Variants in MACROD2 observed in about 807,000 individuals in gnomAD.
The protein encoded by MACROD2 is mono-ADP ribosylhydrolase 2, also known as ADP-ribose glycohydrolase MACROD2.
A neutral mutation model predicts 70.4 loss-of-function variants in MACROD2; 36 were observed. The observed-to-expected ratio is 0.51, with a 90% CI of 0.39 to 0.68. The LOEUF is 0.68. MACROD2 is among the 30% of genes least tolerant of loss of function. MACROD2 has a pLI of 0.00. For missense variants in MACROD2, 496 were observed against 538.4 expected, an observed-to-expected ratio of 0.92 and a Z score of 0.78; for synonymous variants, 172 against 178.8, an observed-to-expected ratio of 0.96 and a Z score of 0.30.
At chr20:15,744,727 C>A (rs1447259292) in intron 8 of MACROD2, among the ~76,000 whole-genome samples, 1 of 140,050 alleles carries the variant, frequency 7.1e-6, no homozygotes, top group Non-Finnish European at 1.6e-5. Flanking sequence ...CACACACACA[C>A]ACACACACAC....
At chr20:15,328,313 T>C (rs2077954453) in intron 6 of MACROD2, among the ~76,000 whole-genome samples, 1 of 151,848 alleles carries the variant, frequency 6.6e-6, no homozygotes, top group Non-Finnish European at 1.5e-5. Context: ...AGGGGATGAG[T>C]GCCGAGGTGC....
intron 3 of MACROD2, among the ~76,000 whole-genome samples, chr20:14,313,008 T>A (rs1168395092): frequency 6.6e-6 from 1 of 152,248 alleles, no homozygotes; most frequent in Non-Finnish European, 1.5e-5. Flanking sequence ...TAACACTTCA[T>A]TGTCTACATT....
intron 3 of MACROD2, among the ~76,000 whole-genome samples, chr20:14,473,615 T>C (rs528179612): frequency 1.3e-5 from 2 of 152,166 alleles, no homozygotes; most frequent in Non-Finnish European, 2.9e-5. Context: ...AAACTTGGAG[T>C]GCAGATGTCT....
intron 3 of MACROD2, among the ~76,000 whole-genome samples, chr20:14,442,611 G>C (rs953429265): frequency 4.6e-5 from 7 of 152,002 alleles, no homozygotes; most frequent in Middle Eastern, 3.2e-3. Context: ...ATGAATGCCA[G>C]CTGCCTTCAC....
chr20:14,794,737 G>C (rs1213000862), intron 5 of MACROD2, among the ~76,000 whole-genome samples: 1 of 152,016 alleles, frequency 6.6e-6, no homozygotes, highest in Non-Finnish European at 1.5e-5. Context: ...TGTTTACTGG[G>C]GTCTTATAAG....
rs2148705176 is a variant in MACROD2, at chr20:14,140,517, G to T, written c.271+54789G>T. On this transcript the variant is annotated intron_variant, in intron 3 of 17. Coordinates refer to ENST00000684519, the MANE Select transcript of MACROD2 (RefSeq NM_001351661.2). ...GGGTTAATGTTTATATAGGGTGAGA[G>T]CTCTGCCTATAATTGTTACATATCT... 2.0e-5 allele frequency among the ~76,000 whole-genome samples: 3 copies of T among 152,312 alleles called. No homozygotes were observed. In the Middle Eastern group the frequency reaches 0.01, roughly 518 times the overall value.
chr20:14,485,419 A>T (rs1245430241), intron 3 of MACROD2, among the ~76,000 whole-genome samples: 2 of 152,164 alleles, frequency 1.3e-5, no homozygotes, highest in Non-Finnish European at 2.9e-5. Context: ...AAGAACATGG[A>T]GGCCAGGCGT....
chr20:15,157,770 A>G (rs1207998400), intron 5 of MACROD2, among the ~76,000 whole-genome samples: 1 of 152,106 alleles, frequency 6.6e-6, no homozygotes, highest in African/African-American at 2.4e-5. Flanking sequence ...GAGAGAGGTC[A>G]AGGTGTTTAT....
At chr20:14,639,956 C>T (rs1984999059) in intron 4 of MACROD2, among the ~76,000 whole-genome samples, 1 of 152,092 alleles carries the variant, frequency 6.6e-6, no homozygotes, top group Non-Finnish European at 1.5e-5. Context: ...TCAACTCTCC[C>T]TCCCTTTCTT....
chr20:16,048,537 C>A (rs1010367275), intron 17 of MACROD2, among the ~76,000 whole-genome samples: 9 of 151,954 alleles, frequency 5.9e-5, no homozygotes, highest in Admixed American at 5.9e-4. Context: ...TGATACCCAC[C>A]AAGCATCTCC....
At chr20:15,315,916 A>G in intron 6 of MACROD2, among the ~76,000 whole-genome samples, 1 of 152,284 alleles carries the variant, frequency 6.6e-6, no homozygotes, top group Admixed American at 6.5e-5. Context: ...TTGTAACAAT[A>G]ACAACATAAA....
At position 15,979,277 on chromosome 20, in the gene MACROD2, C is replaced by T. The variant is rs188988869; in HGVS notation, c.986-7450C>T. Among the ~76,000 whole-genome samples the T allele has an allele frequency of 9.0e-4, 137 of 152,206 alleles. 1 individual carries two copies. Among genetic ancestry groups the T allele is most frequent in the African/African-American group, 2.8e-3 (115 of 41,520 alleles). ...ACATGCTTTCCATTCAGGATCTAGA[C>T]GAAGGAACATGGTTTATTAGGAGCA... On this transcript the variant is annotated intron_variant, in intron 13 of 17. Coordinates refer to ENST00000684519, the MANE Select transcript of MACROD2 (RefSeq NM_001351661.2).
At chr20:15,127,988 T>G (rs1335868575) in intron 5 of MACROD2, among the ~76,000 whole-genome samples, 1 of 152,084 alleles carries the variant, frequency 6.6e-6, no homozygotes, top group Non-Finnish European at 1.5e-5. Context: ...TCTTGTCTTC[T>G]CTATAGTTTT....
At chr20:15,523,914 G>A (rs1026970861) in intron 8 of MACROD2, among the ~76,000 whole-genome samples, 21 of 152,010 alleles carry the variant, frequency 1.4e-4, no homozygotes, top group Admixed American at 3.9e-4. Flanking sequence ...CCTTCATGTC[G>A]CACCAGCCTC....
chr20:15,569,511 T>C (rs1307494247), intron 8 of MACROD2, among the ~76,000 whole-genome samples: 1 of 152,162 alleles, frequency 6.6e-6, no homozygotes, highest in Non-Finnish European at 1.5e-5. Flanking sequence ...CCAACTGAAA[T>C]TTTGTATTCT....
intron 6 of MACROD2, among the ~76,000 whole-genome samples, chr20:15,423,115 A>G (rs1453353661): frequency 6.6e-6 from 1 of 152,192 alleles, no homozygotes; most frequent in Admixed American, 6.5e-5. Flanking sequence ...TATCATTGCC[A>G]TTACTACAGT....
chr20:14,306,802 A>G (rs925310433), intron 3 of MACROD2, among the ~76,000 whole-genome samples: 1 of 152,120 alleles, frequency 6.6e-6, no homozygotes, highest in African/African-American at 2.4e-5. Context: ...AGCAAAGATC[A>G]ATTGTATATG....
chr20:14,912,210 C>G (rs1026210463), intron 5 of MACROD2, among the ~76,000 whole-genome samples: 2 of 152,202 alleles, frequency 1.3e-5, no homozygotes, highest in African/African-American at 4.8e-5. Context: ...CTGCCGTTAT[C>G]TCTAGCTTTG....
chr20:15,450,390 T>A (rs930320464), intron 7 of MACROD2, among the ~76,000 whole-genome samples: 8 of 152,190 alleles, frequency 5.3e-5, no homozygotes, highest in African/African-American at 1.7e-4. Context: ...TCCCAAATGA[T>A]ACCTATTTTT....
Sources: allele counts gnomAD v4.1 joint callset (sites outside exome capture counted in the v4.1 genomes callset), GRCh38; gene constraint gnomAD v4.1.1; transcripts MANE v1.5; gene names NCBI Gene and HGNC (gene_info 2026-07-23, HGNC 2026-07-21).